The following DSCAML1 variants were observed in gnomAD, a reference collection of about 807,000 sequenced individuals.
DSCAML1 encodes DS cell adhesion molecule like 1.
In DSCAML1, 38 loss-of-function variants were observed where a neutral mutation model predicts 200.5. That is an observed-to-expected ratio of 0.19 (90% CI 0.15 to 0.25). DSCAML1 has a LOEUF of 0.25. DSCAML1 is among the 10% of genes least tolerant of loss of function. DSCAML1 has a pLI of 1.00. For missense variants in DSCAML1, 2,223 were observed against 2,858.8 expected, an observed-to-expected ratio of 0.78 and a Z score of 5.07; for synonymous variants, 1,215 against 1,165.0, an observed-to-expected ratio of 1.04 and a Z score of -0.87.
At chr11:117,662,953 C>T (rs897218494) in intron 3 of DSCAML1, among the ~76,000 whole-genome samples, 1 of 152,174 alleles carries the variant, frequency 6.6e-6, no homozygotes, top group Non-Finnish European at 1.5e-5. Context: ...CTCAGAAAAA[C>T]ATCACGGGTT....
chr11:117,647,647 C>A (rs1250593778), intron 3 of DSCAML1, among the ~76,000 whole-genome samples: 1 of 151,868 alleles, frequency 6.6e-6, no homozygotes, highest in African/African-American at 2.4e-5. Context: ...AGGCAGGAGA[C>A]AAATGGAGAA....
intron 3 of DSCAML1, among the ~76,000 whole-genome samples, chr11:117,735,850 C>G (rs1032895368): frequency 6.6e-6 from 1 of 152,202 alleles, no homozygotes; most frequent in African/African-American, 2.4e-5. Flanking sequence ...GGCAGACCAA[C>G]AGATACATTT....
chr11:117,728,614 T>G (rs1231290686), intron 3 of DSCAML1, among the ~76,000 whole-genome samples: 1 of 152,154 alleles, frequency 6.6e-6, no homozygotes, highest in Non-Finnish European at 1.5e-5. Flanking sequence ...ATATTGATAC[T>G]CAAAAATCTA....
At chr11:117,703,130 GAA>G (rs1772451329) in intron 3 of DSCAML1, among the ~76,000 whole-genome samples, 2 of 152,198 alleles carry the variant, frequency 1.3e-5, no homozygotes, top group South Asian at 4.1e-4. Context: ...TAGGGGAGCA[GAA>G]GCCAGAGCCT....
At position 117,431,728 on chromosome 11, in the gene DSCAML1, T is replaced by G. The variant is rs2047800550; in HGVS notation, c.5180A>C (p.Asn1727Thr). ...IDMSDIRPGT[N>T]PVSRKNVKSA... ...CTTCACATTCTTCCTGGACACTGGA[T>G]CTGCACAGACAGAAGCAAGAAATTG... The change falls in exon 31 of 33, where the codon AAT becomes ACT. Residue 1727 changes from asparagine (N) to threonine (T), a missense_variant and splice_region_variant. By Grantham distance (65) the Asn-to-Thr change is moderately conservative. Transcript: ENST00000651296. 1 of 1,559,842 alleles carries G rather than the reference T, an allele frequency of 6.4e-7. No individual in the cohort carries two copies. Among genetic ancestry groups the G allele is most frequent in the Admixed American group, 1.8e-5 (1 of 55,364 alleles).
chr11:117,593,180 C>T lies in DSCAML1; in HGVS notation c.512-60658G>A, dbSNP rs946346710. On this transcript the variant is annotated intron_variant, in intron 3 of 32. Coordinates refer to ENST00000651296, the MANE Select transcript of DSCAML1 (RefSeq NM_020693.4). The stretch of plus-strand genomic sequence containing the variant: ...CTGGGCCCACGTGTCCTGCCCTCGG[C>T]GGTGCCCACACACAGCGATGCTTCA... Among the ~76,000 whole-genome samples, 12 of 152,362 alleles carry T rather than the reference C, an allele frequency of 7.9e-5. No individual in the cohort carries two copies. The East Asian group carries it at 9.6e-4, about 12-fold the overall frequency.
At chr11:117,610,844 C>G (rs922991443) in intron 3 of DSCAML1, among the ~76,000 whole-genome samples, 3 of 147,358 alleles carry the variant, frequency 2.0e-5, no homozygotes, top group Non-Finnish European at 3.0e-5. Context: ...AAAACAACCC[C>G]CCCCCCCCAC....
chr11:117,788,879 C>A (rs896715016), intron 1 of DSCAML1, among the ~76,000 whole-genome samples: 1 of 152,192 alleles, frequency 6.6e-6, no homozygotes, highest in African/African-American at 2.4e-5. Flanking sequence ...TAGATTCAGA[C>A]CATCCCCATG....
In DSCAML1 at chr11:117,780,741, C is replaced by A; in HGVS notation, c.116G>T (p.Ser39Ile). Residue 39 changes from serine (S) to isoleucine (I), a missense_variant, in exon 2 of 33, where the codon AGC becomes ATC. By Grantham distance (142) the Ser-to-Ile change is moderately radical (BLOSUM62 -2). Around this residue, in one of 7 missense-constraint regions of DSCAML1, gnomAD observed 579 missense variants for 721.5 expected, o/e 0.80. Coordinates refer to ENST00000651296, the MANE Select transcript of DSCAML1 (RefSeq NM_020693.4). This position sits in a 1 kb window ranked among gnomAD's most constrained non-coding sequence, Gnocchi z 4.8. The part of the protein sequence containing the change: ...NDSLQQVTFS[S>I]SVGVVVPCPA... ...GCAGGGCACCACCACCCCCACGGAG[C>A]TGGAAAAGGTCACCTGCTGCAAGGA... 6.4e-7 allele frequency: 1 copy of A among 1,551,024 alleles called. No homozygotes were observed. The highest frequency in any genetic ancestry group is 2.4e-5 in the East Asian group (1 of 41,896).
intron 3 of DSCAML1, among the ~76,000 whole-genome samples, chr11:117,682,294 C>G (rs2053325797): frequency 1.3e-5 from 2 of 152,282 alleles, no homozygotes; most frequent in South Asian, 4.1e-4. Flanking sequence ...GTCCAGAAAC[C>G]TCTTCATCAC....
In DSCAML1 at chr11:117,504,800, C is replaced by G; in HGVS notation, c.2182+124G>C. On this transcript the variant is annotated intron_variant, in intron 10 of 32. Transcript: ENST00000651296. The surrounding 1 kb of genome is among the most constrained non-coding windows in gnomAD (Gnocchi z 5.0). ...GTGTAGCCTGGGGTCCACTGGGGTG[C>G]AGACCAGAGGACTCCCATCCAGGGA... 2 of 1,335,186 alleles carry G rather than the reference C, an allele frequency of 1.5e-6. No individual in the cohort carries two copies. The highest frequency in any genetic ancestry group is 9.8e-7 in the Non-Finnish European group (1 of 1,022,246). 82.7% of individuals were successfully genotyped at this position (1,335,186 alleles called of 1,614,324 possible).
intron 3 of DSCAML1, among the ~76,000 whole-genome samples, chr11:117,600,343 G>C (rs760400868): frequency 6.6e-6 from 1 of 152,200 alleles, no homozygotes; most frequent in East Asian, 1.9e-4. Flanking sequence ...TTGCAGGCAC[G>C]TGACCGCCTC....
At chr11:117,511,927 GTC>G (rs1457375994) in intron 8 of DSCAML1, among the ~76,000 whole-genome samples, 2 of 152,398 alleles carry the variant, frequency 1.3e-5, no homozygotes, top group African/African-American at 2.4e-5. Flanking sequence ...TCACACACAG[GTC>G]TCTGCACACA....
rs574316853 is a variant in DSCAML1, at chr11:117,507,573, G to A, written c.1784-1841C>T. 6.6e-4 allele frequency among the ~76,000 whole-genome samples: 100 copies of A among 152,304 alleles called. 1 individual carries two copies. Among genetic ancestry groups the A allele is most frequent in the African/African-American group, 2.2e-3 (93 of 41,548 alleles). On this transcript the variant is annotated intron_variant, in intron 8 of 32. Transcript: ENST00000651296. ...TAGGAGGGATGTGGCCTCTGTGACCGTCAGTAGGGCCCTCAGGTGACCCTT... is the reference window on the plus strand; with the variant it reads ...TAGGAGGGATGTGGCCTCTGTGACCATCAGTAGGGCCCTCAGGTGACCCTT...
Position 117,636,124 on chromosome 11 carries a change from C to CG in DSCAML1, c.512-103603dup, listed in dbSNP as rs567508996. ...AGGGACCTTGCCCTGGCTGGTGAGG[C>CG]GGGGGTTAGAAATAGGGAAGGTTCG... On this transcript the variant is annotated intron_variant, in intron 3 of 32. Transcript: ENST00000651296. Among the ~76,000 whole-genome samples the CG allele has an allele frequency of 1.3e-3, 196 of 152,222 alleles. 1 individual carries two copies. The highest frequency in any genetic ancestry group is 4.7e-3 in the African/African-American group (194 of 41,514).
chr11:117,715,352 C>T (rs2053933020), intron 3 of DSCAML1, among the ~76,000 whole-genome samples: 1 of 152,200 alleles, frequency 6.6e-6, no homozygotes, highest in African/African-American at 2.4e-5. Context: ...ACGGAGCCTC[C>T]TGGCTTCTCC....
intron 3 of DSCAML1, among the ~76,000 whole-genome samples, chr11:117,761,172 C>G (rs1318101242): frequency 6.6e-6 from 1 of 152,170 alleles, no homozygotes; most frequent in Non-Finnish European, 1.5e-5. Context: ...GGAGGTCTCA[C>G]ACCTAGACTC....
rs75979609 is a variant in DSCAML1, at chr11:117,702,923, T to C, written c.511+73868A>G. Among the ~76,000 whole-genome samples the C allele has an allele frequency of 7.3e-3, 1,113 of 152,308 alleles. 13 individuals carry two copies. Among genetic ancestry groups the C allele is most frequent in the African/African-American group, 0.025 (1,043 of 41,558 alleles). On this transcript the variant is annotated intron_variant, in intron 3 of 32. Transcript: ENST00000651296. ...CTTGTGGCTGAATCCTATTGTAAAA[T>C]AGAAGACTTTCTGGGATGCAAATAA...
intron 3 of DSCAML1, among the ~76,000 whole-genome samples, chr11:117,717,629 C>T (rs180838161): frequency 3.5e-4 from 54 of 152,322 alleles, no homozygotes; most frequent in African/African-American, 1.1e-3. Context: ...TGGCGCCATG[C>T]CGTGTTCTAG....
Sources: allele counts gnomAD v4.1 joint callset (sites outside exome capture counted in the v4.1 genomes callset), GRCh38; gene constraint gnomAD v4.1.1; regional missense constraint gnomAD v4.1.1; non-coding constraint Gnocchi (gnomAD v3.1); transcripts MANE v1.5; gene names NCBI Gene and HGNC (gene_info 2026-07-23, HGNC 2026-07-21).